SLC22A23: variants seen among roughly 807,000 people sequenced by gnomAD.
The protein encoded by SLC22A23 is solute carrier family 22 member 23.
A neutral mutation model predicts 61.0 loss-of-function variants in SLC22A23; 26 were observed. The ratio of observed to expected loss-of-function variants is 0.43; its 90% confidence interval spans 0.31 to 0.59. The LOEUF (loss-of-function observed/expected upper bound fraction) is 0.59. Among genes scored for constraint, SLC22A23 ranks in the 20% least tolerant of loss-of-function variants. The pLI, the probability that SLC22A23 is intolerant of heterozygous loss-of-function variation, is 0.11. For synonymous variants in SLC22A23, 430 were observed against 413.9 expected, an observed-to-expected ratio of 1.04 and a Z score of -0.47; for missense variants, 796 against 934.7, an observed-to-expected ratio of 0.85 and a Z score of 1.94.
intron 4 of SLC22A23, among the ~76,000 whole-genome samples, chr6:3,302,276 G>C (rs949655321): frequency 3.3e-5 from 5 of 152,174 alleles, no homozygotes; most frequent in Non-Finnish European, 5.9e-5. Flanking sequence ...GGCATCTGTT[G>C]TGATGTCTTT....
chr6:3,310,390 G>A (rs144376308), intron 4 of SLC22A23, among the ~76,000 whole-genome samples: 49 of 107,980 alleles, frequency 4.5e-4, no homozygotes, highest in African/African-American at 8.8e-4. Context: ...TCTCCCACTC[G>A]AGCACCCTGT....
chr6:3,405,777 A>T (rs1293632891), intron 3 of SLC22A23, among the ~76,000 whole-genome samples: 1 of 152,226 alleles, frequency 6.6e-6, no homozygotes, highest in Non-Finnish European at 1.5e-5. Flanking sequence ...AGCACATTAG[A>T]AATTACTCAA....
intron 3 of SLC22A23, among the ~76,000 whole-genome samples, chr6:3,379,604 C>T (rs777095271): frequency 4.6e-5 from 7 of 152,132 alleles, no homozygotes; most frequent in Non-Finnish European, 1.0e-4. Context: ...GAAAGGCAAA[C>T]AAACATTTTG....
intron 6 of SLC22A23, among the ~76,000 whole-genome samples, chr6:3,288,708 T>C (rs1438191846): frequency 1.3e-5 from 2 of 152,228 alleles, no homozygotes; most frequent in Non-Finnish European, 2.9e-5. Flanking sequence ...GAGAAGCCGT[T>C]CAACTCCTAA....
rs564549993 is a variant in SLC22A23 at position 3,414,042 on chromosome 6, G to C, written c.758+1710C>G. On this transcript the variant is annotated intron_variant, in intron 2 of 9. Transcript: ENST00000406686. This position sits in a 1 kb window ranked among gnomAD's most constrained non-coding sequence, Gnocchi z 5.1. ...TCTTTTGTCCTCAGGCCTGGTGTGT[G>C]ATCAGGGAGGCCACATCACATGTGT... 1.1e-3 allele frequency among the ~76,000 whole-genome samples: 173 copies of C among 152,336 alleles called. No individual in the cohort carries two copies. Among genetic ancestry groups the C allele is most frequent in the South Asian group, 4.8e-3 (23 of 4,830 alleles).
rs1038841038 is a variant in SLC22A23, at chr6:3,381,236, G to C, written c.913+28952C>G. Among the ~76,000 whole-genome samples the C allele has an allele frequency of 2.0e-5, 3 of 152,150 alleles. No homozygotes were observed. In the South Asian group the frequency reaches 6.2e-4, roughly 32 times the overall value. On this transcript the variant is annotated intron_variant, in intron 3 of 9. Transcript: ENST00000406686. ...TGGGGACACCACATCTCCCCAGCCT[G>C]CTGGGGCCTCTCTGTGGGGAGGTGA...
intron 3 of SLC22A23, among the ~76,000 whole-genome samples, chr6:3,363,251 C>T (rs950686273): frequency 1.4e-4 from 22 of 152,236 alleles, no homozygotes; most frequent in African/African-American, 4.6e-4. Context: ...CTGGCTGGCC[C>T]ATCCTCACCA....
intron 3 of SLC22A23, among the ~76,000 whole-genome samples, chr6:3,407,211 A>C (rs1407209130): frequency 6.6e-6 from 1 of 152,248 alleles, no homozygotes; most frequent in Non-Finnish European, 1.5e-5. Flanking sequence ...GAAGTACTTC[A>C]ACCCTGTGAC....
chr6:3,326,007 T>G (rs1408863278), intron 3 of SLC22A23, among the ~76,000 whole-genome samples: 1 of 152,250 alleles, frequency 6.6e-6, no homozygotes, highest in Non-Finnish European at 1.5e-5. Flanking sequence ...GCAACTACAC[T>G]TCTTTTACCA....
intron 1 of SLC22A23, among the ~76,000 whole-genome samples, chr6:3,453,100 G>C (rs1357085772): frequency 6.6e-6 from 1 of 152,194 alleles, no homozygotes; most frequent in Non-Finnish European, 1.5e-5. Context: ...GGCTGGGTTG[G>C]ATTCTGGGTA....
chr6:3,395,128 T>C (rs769707434), intron 3 of SLC22A23, among the ~76,000 whole-genome samples: 11 of 152,240 alleles, frequency 7.2e-5, no homozygotes, highest in Non-Finnish European at 1.2e-4. Flanking sequence ...TAAAATCGTA[T>C]GCTCTCATGT....
intron 3 of SLC22A23, among the ~76,000 whole-genome samples, chr6:3,383,261 T>C (rs771599559): frequency 6.6e-6 from 1 of 152,104 alleles, no homozygotes; most frequent in Non-Finnish European, 1.5e-5. Flanking sequence ...AACTAAATGA[T>C]GTACTGTTTA....
At chr6:3,378,260 G>C (rs1766712668) in intron 3 of SLC22A23, among the ~76,000 whole-genome samples, 1 of 152,200 alleles carries the variant, frequency 6.6e-6, no homozygotes, top group Non-Finnish European at 1.5e-5. Flanking sequence ...GGTGCACTGA[G>C]AGGTCAGAAG....
chr6:3,432,162 G>T lies in SLC22A23; in HGVS notation c.655-16307C>A, dbSNP rs60121425. The stretch of plus-strand genomic sequence containing the variant: ...CTCAGTGTAGAGGCGGTAGTGCTAG[G>T]GTTCAAACCGGTTCTCCTGCATCTG... On this transcript the variant is annotated intron_variant, in intron 1 of 9. Coordinates refer to ENST00000406686, the MANE Select transcript of SLC22A23 (RefSeq NM_015482.2). 1.7e-3 allele frequency: 1,626 copies of T among 974,666 alleles called. 27 individuals carry two copies. In the African/African-American group the frequency reaches 0.027, roughly 16 times the overall value. The allele number at this position is 974,666 out of a possible 1,614,324, so 60.4% of individuals were successfully genotyped here. A position where few individuals can be genotyped will look rare whatever the true frequency, so the allele number is the denominator to read the frequency against.
intron 3 of SLC22A23, among the ~76,000 whole-genome samples, chr6:3,369,036 TTG>T (rs1003300573): frequency 5.3e-5 from 8 of 151,794 alleles, no homozygotes; most frequent in African/African-American, 1.5e-4. Context: ...ACTGTCACTA[TTG>T]TGTGAGGTTT....
chr6:3,443,134 G>A (rs1275080464), intron 1 of SLC22A23, among the ~76,000 whole-genome samples: 1 of 152,222 alleles, frequency 6.6e-6, no homozygotes, highest in Non-Finnish European at 1.5e-5. Context: ...GAAGTACAAT[G>A]GAGGAGAGGC....
chr6:3,453,438 T>C (rs1457082762), intron 1 of SLC22A23, among the ~76,000 whole-genome samples: 3 of 152,154 alleles, frequency 2.0e-5, no homozygotes, highest in Non-Finnish European at 2.9e-5. Context: ...GTTAGAGATA[T>C]CATGCAGAAG....
chr6:3,369,309 A>G (rs981922830), intron 3 of SLC22A23, among the ~76,000 whole-genome samples: 2 of 152,124 alleles, frequency 1.3e-5, no homozygotes, highest in African/African-American at 4.8e-5. Flanking sequence ...GGTCACCATC[A>G]CCTCCTTATA....
At chr6:3,311,745 T>C (rs1762378403) in intron 4 of SLC22A23, 1 of 152,234 alleles carries the variant, frequency 6.6e-6, no homozygotes. Flanking sequence ...AATTTATCTG[T>C]TACAAAAGCT....
Sources: gnomAD v4.1 joint callset for allele counts (sites outside exome capture counted in the v4.1 genomes callset) on GRCh38, gnomAD v4.1.1 for gene constraint, Gnocchi (gnomAD v3.1) non-coding constraint, MANE v1.5 for transcripts, NCBI Gene and HGNC (gene_info 2026-07-23, HGNC 2026-07-21) for gene names.